The following NRXN1 variants were observed in gnomAD, a reference collection of about 807,000 sequenced individuals.
The protein encoded by NRXN1 is neurexin 1.
Under a neutral mutation model 150.9 loss-of-function variants are expected in NRXN1, and 39 were observed. The observed-to-expected ratio is 0.26, with a 90% CI of 0.20 to 0.34. The LOEUF (loss-of-function observed/expected upper bound fraction) is 0.34. NRXN1 is among the 10% of genes least tolerant of loss of function. The pLI, the probability that NRXN1 is intolerant of heterozygous loss-of-function variation, is 1.00. For synonymous variants in NRXN1, 924 were observed against 757.0 expected (o/e 1.22, Z -3.62); for missense variants, 1,815 against 1,949.9 (o/e 0.93, Z 1.30).
intron 16 of NRXN1, 53 bp downstream of exon 16, chr2:50,472,245 G>C (rs1277967660): frequency 7.0e-7 from 1 of 1,435,806 alleles, no homozygotes; most frequent in Non-Finnish European, 9.3e-7. Flanking sequence ...TTCACTCTCA[G>C]TTAGACAGGT....
At chr2:49,964,915 C>T (rs1160483738) in intron 21 of NRXN1, among the ~76,000 whole-genome samples, 1 of 152,122 alleles carries the variant, frequency 6.6e-6, no homozygotes, top group Non-Finnish European at 1.5e-5. Flanking sequence ...AGACGAGGGT[C>T]TCACTCTGTC....
intron 17 of NRXN1, among the ~76,000 whole-genome samples, chr2:50,301,794 G>C (rs1283886048): frequency 6.6e-6 from 1 of 152,158 alleles, no homozygotes; most frequent in Non-Finnish European, 1.5e-5. Flanking sequence ...TTGCCTATTT[G>C]TTTTCCATTC....
At chr2:50,121,171 G>T (rs1036018134) in intron 18 of NRXN1, among the ~76,000 whole-genome samples, 5 of 152,076 alleles carry the variant, frequency 3.3e-5, no homozygotes, top group African/African-American at 1.2e-4. Context: ...TTAGAGGTGT[G>T]CCACCAAACC....
chr2:50,683,646 A>AAAAAAAAAAAAAAAAAAAAAATAT, intron 5 of NRXN1, among the ~76,000 whole-genome samples: 2 of 14,906 alleles, frequency 1.3e-4, no homozygotes, highest in African/African-American at 7.2e-4. Flanking sequence ...AAAAAAAAAA[A>AAAAAAAAAAAAAAAAAAAAAATAT]ATATATATAT....
chr2:50,547,865 C>T (rs1178075429), intron 9 of NRXN1, among the ~76,000 whole-genome samples: 1 of 152,040 alleles, frequency 6.6e-6, no homozygotes, highest in Non-Finnish European at 1.5e-5. Context: ...AGCTGCACTG[C>T]ACATAAAGAA....
At chr2:50,012,724 T>C (rs1685915895) in intron 21 of NRXN1, among the ~76,000 whole-genome samples, 1 of 152,172 alleles carries the variant, frequency 6.6e-6, no homozygotes, top group Admixed American at 6.5e-5. Context: ...TTCTGTACCA[T>C]GGCTATGTAT....
At chr2:50,990,380 T>C (rs1246580938) in intron 2 of NRXN1, among the ~76,000 whole-genome samples, 1 of 152,074 alleles carries the variant, frequency 6.6e-6, no homozygotes, top group Non-Finnish European at 1.5e-5. Flanking sequence ...AATGAAATAT[T>C]ATGGTCATAT....
At chr2:50,667,665 G>A (rs1277019552) in intron 5 of NRXN1, among the ~76,000 whole-genome samples, 3 of 151,850 alleles carry the variant, frequency 2.0e-5, no homozygotes, top group Admixed American at 6.6e-5. Context: ...TCTAAGAAAC[G>A]TTCTCTATTG....
At chr2:50,389,473 T>A (rs984107650) in intron 17 of NRXN1, among the ~76,000 whole-genome samples, 1 of 151,838 alleles carries the variant, frequency 6.6e-6, no homozygotes, top group Non-Finnish European at 1.5e-5. Flanking sequence ...ATCAATAATA[T>A]ATGAACATGT....
At chr2:50,757,663 G>A (rs1472157682) in intron 5 of NRXN1, among the ~76,000 whole-genome samples, 1 of 151,642 alleles carries the variant, frequency 6.6e-6, no homozygotes, top group Non-Finnish European at 1.5e-5. Flanking sequence ...ACTGAATTTA[G>A]ACAACTTTAT....
intron 18 of NRXN1, among the ~76,000 whole-genome samples, chr2:50,107,097 C>T (rs1479405287): frequency 1.3e-5 from 2 of 151,946 alleles, no homozygotes. Context: ...TGATGACCAC[C>T]TAAAATAACT....
intron 21 of NRXN1, among the ~76,000 whole-genome samples, chr2:50,010,652 C>T (rs1685500882): frequency 1.3e-5 from 2 of 152,058 alleles, no homozygotes; most frequent in Admixed American, 6.6e-5. Flanking sequence ...TCTAAAATCC[C>T]CTCTCTCTGG....
chr2:50,186,568 T>C (rs2061085933), intron 18 of NRXN1, among the ~76,000 whole-genome samples: 1 of 152,064 alleles, frequency 6.6e-6, no homozygotes. Flanking sequence ...CATCACCAAA[T>C]GTCTCAACGA....
chr2:50,231,512 A>G (rs1662956683), intron 18 of NRXN1, among the ~76,000 whole-genome samples: 1 of 152,064 alleles, frequency 6.6e-6, no homozygotes, highest in Non-Finnish European at 1.5e-5. Flanking sequence ...ATCAATTAAG[A>G]GCTTGGTTTC....
intron 18 of NRXN1, among the ~76,000 whole-genome samples, chr2:50,096,731 A>AT (rs909820193): frequency 6.6e-5 from 10 of 152,170 alleles, no homozygotes; most frequent in African/African-American, 1.2e-4. Context: ...GTAATTATTG[A>AT]TTTTTTTACA....
chr2:50,809,354 T>C (rs574820517), intron 5 of NRXN1, among the ~76,000 whole-genome samples: 1 of 152,206 alleles, frequency 6.6e-6, no homozygotes, highest in Admixed American at 6.5e-5. Flanking sequence ...CCAAATCCTC[T>C]CGCTAAGGAA....
intron 17 of NRXN1, among the ~76,000 whole-genome samples, chr2:50,355,291 C>CAT (rs3081361): frequency 0.57 from 83,027 of 146,806 alleles, 25,443 homozygotes; most frequent in East Asian, 0.92. Flanking sequence ...TTTATATATA[C>CAT]ATATATATAT....
intron 2 of NRXN1, among the ~76,000 whole-genome samples, chr2:51,017,439 A>C (rs1411697760): frequency 6.8e-6 from 1 of 147,450 alleles, no homozygotes; most frequent in Non-Finnish European, 1.5e-5. Context: ...GGGATCAAGC[A>C]ATCTTCACAC....
intron 17 of NRXN1, among the ~76,000 whole-genome samples, chr2:50,343,019 T>C (rs989983634): frequency 4.6e-5 from 7 of 152,246 alleles, no homozygotes; most frequent in Non-Finnish European, 1.0e-4. Flanking sequence ...GATATAATTA[T>C]TATCCTTATA....
Sources: gnomAD v4.1 joint callset for allele counts (sites outside exome capture counted in the v4.1 genomes callset) on GRCh38, gnomAD v4.1.1 for gene constraint, MANE v1.5 for transcripts, NCBI Gene and HGNC (gene_info 2026-07-23, HGNC 2026-07-21) for gene names.